Variants in ADGRL2 observed in about 807,000 individuals in gnomAD.
The protein encoded by ADGRL2 is calcium-independent alpha-latrotoxin receptor 2.
A neutral mutation model predicts 157.4 loss-of-function variants in ADGRL2; 44 were observed. The observed-to-expected ratio is 0.28, with a 90% CI of 0.22 to 0.36. ADGRL2 has a LOEUF of 0.36. ADGRL2 is among the 10% of genes least tolerant of loss of function. The pLI, the probability that ADGRL2 is intolerant of heterozygous loss-of-function variation, is 1.00. For synonymous variants in ADGRL2, 585 were observed against 624.7 expected (o/e 0.94, Z 0.95); for missense variants, 1,510 against 1,768.9 (o/e 0.85, Z 2.63).
intron 1 of ADGRL2, among the ~76,000 whole-genome samples, chr1:81,738,723 C>G (rs1465378083): frequency 6.6e-6 from 1 of 152,166 alleles, no homozygotes; most frequent in Non-Finnish European, 1.5e-5. Context: ...CTTCCTACCC[C>G]CGTTTTCCAG....
At chr1:81,908,986 T>C (rs1470325501) in intron 3 of ADGRL2, among the ~76,000 whole-genome samples, 1 of 151,894 alleles carries the variant, frequency 6.6e-6, no homozygotes. Flanking sequence ...GCAATTCTCA[T>C]GCCTCAACCT....
chr1:81,562,481 TTA>T (rs34831093), intron 2 of ADGRL2, among the ~76,000 whole-genome samples: 13,412 of 152,174 alleles, frequency 0.088, 676 homozygotes, highest in Middle Eastern at 0.15. Flanking sequence ...GCAAACTTTT[TTA>T]TGTGTCAATT....
chr1:81,961,767 C>G (rs1655485751), intron 11 of ADGRL2, among the ~76,000 whole-genome samples: 2 of 152,142 alleles, frequency 1.3e-5, no homozygotes, highest in South Asian at 4.1e-4. Flanking sequence ...GCCTCAGCCT[C>G]CCAAAGTGCT....
rs2080363848 is a variant in ADGRL2, at chr1:81,558,428, T to C, written c.-247-22448T>C. On this transcript the variant is annotated intron_variant, in intron 2 of 24. Coordinates refer to the ADGRL2 transcript ENST00000370721. ...AACAGTCATTTGAATGTCAGAATCA[T>C]ATCAAATTACAACACCTTTCATAGT... Among the ~76,000 whole-genome samples, 3 of 152,204 alleles carry C rather than the reference T, an allele frequency of 2.0e-5. No homozygotes were observed. In the South Asian group the frequency reaches 6.2e-4, roughly 31 times the overall value.
chr1:81,438,260 T>C (rs2077444873), intron 1 of ADGRL2, among the ~76,000 whole-genome samples: 1 of 152,214 alleles, frequency 6.6e-6, no homozygotes, highest in African/African-American at 2.4e-5. Flanking sequence ...GAGATCCCAT[T>C]ATTAACTTTT....
chr1:81,823,275 A>C (rs1253266139), intron 1 of ADGRL2, among the ~76,000 whole-genome samples: 2 of 151,360 alleles, frequency 1.3e-5, no homozygotes, highest in Non-Finnish European at 2.9e-5. Context: ...AATTCAGTTC[A>C]TTTATTCATG....
At chr1:81,539,868 A>G (rs2079840151) in intron 2 of ADGRL2, among the ~76,000 whole-genome samples, 1 of 152,102 alleles carries the variant, frequency 6.6e-6, no homozygotes, top group African/African-American at 2.4e-5. Flanking sequence ...CCAAAAGCAG[A>G]CAGACAATTT....
intron 1 of ADGRL2, among the ~76,000 whole-genome samples, chr1:81,825,926 A>C (rs551242678): frequency 6.6e-6 from 1 of 152,134 alleles, no homozygotes; most frequent in East Asian, 1.9e-4. Flanking sequence ...ATTTTTGCAG[A>C]TGTTCAGAAA....
chr1:81,854,363 T>G (rs954356155), intron 2 of ADGRL2, among the ~76,000 whole-genome samples: 1 of 152,146 alleles, frequency 6.6e-6, no homozygotes, highest in African/African-American at 2.4e-5. Context: ...AAATTACATT[T>G]GTACGAGTAT....
intron 1 of ADGRL2, among the ~76,000 whole-genome samples, chr1:81,741,718 G>A (rs190056366): frequency 2.0e-5 from 3 of 152,038 alleles, no homozygotes; most frequent in Admixed American, 2.0e-4. Context: ...TCAAGTTAAT[G>A]TTATCAGTGT....
chr1:81,674,426 T>A (rs1570798835), intron 3 of ADGRL2, among the ~76,000 whole-genome samples: 1 of 152,166 alleles, frequency 6.6e-6, no homozygotes, highest in East Asian at 1.9e-4. Flanking sequence ...TGTGGGAAGA[T>A]CTCTTTCCTG....
At chr1:81,690,745 C>A (rs2083314835) in intron 3 of ADGRL2, among the ~76,000 whole-genome samples, 1 of 152,110 alleles carries the variant, frequency 6.6e-6, no homozygotes, top group East Asian at 1.9e-4. Context: ...TCTAGGCAAA[C>A]CTACACTTTT....
chr1:81,484,386 T>C (rs1271324024), intron 2 of ADGRL2, among the ~76,000 whole-genome samples: 2 of 152,150 alleles, frequency 1.3e-5, no homozygotes, highest in African/African-American at 2.4e-5. Flanking sequence ...ACACAGACCC[T>C]TGTAGACATC....
intron 4 of ADGRL2, among the ~76,000 whole-genome samples, chr1:81,937,354 T>C (rs939168024): frequency 6.6e-6 from 1 of 151,818 alleles, no homozygotes; most frequent in South Asian, 2.1e-4. Flanking sequence ...ACCTTAATGC[T>C]AAATAAAATA....
intron 2 of ADGRL2, among the ~76,000 whole-genome samples, chr1:81,499,306 T>C (rs2078794327): frequency 1.3e-5 from 2 of 152,276 alleles, no homozygotes; most frequent in Admixed American, 6.5e-5. Flanking sequence ...GTCTAGGCTC[T>C]GCTTTTGCAG....
intron 1 of ADGRL2, among the ~76,000 whole-genome samples, chr1:81,436,069 TG>T (rs113901824): frequency 2.6e-5 from 4 of 152,278 alleles, no homozygotes; most frequent in African/African-American, 9.6e-5. Context: ...CACTTTAACC[TG>T]GGCAATAAGA....
intron 1 of ADGRL2, among the ~76,000 whole-genome samples, chr1:81,333,480 A>G (rs964283443): frequency 1.3e-5 from 2 of 152,036 alleles, no homozygotes; most frequent in African/African-American, 4.8e-5. Flanking sequence ...CAGTGGCACC[A>G]TCTTGGCTCA....
chr1:81,561,992 C>A (rs189413029), intron 2 of ADGRL2, among the ~76,000 whole-genome samples: 100 of 152,244 alleles, frequency 6.6e-4, no homozygotes, highest in Middle Eastern at 6.8e-3. Flanking sequence ...AAAAACACTC[C>A]TGACTCAAAT....
At chr1:81,554,494 C>CA (rs1193133517) in intron 2 of ADGRL2, among the ~76,000 whole-genome samples, 9 of 148,538 alleles carry the variant, frequency 6.1e-5, no homozygotes, top group African/African-American at 2.2e-4. Context: ...TTTTTTTTGG[C>CA]AAAAAAAAAT....
Sources: gnomAD v4.1 joint callset for allele counts (sites outside exome capture counted in the v4.1 genomes callset) on GRCh38, gnomAD v4.1.1 for gene constraint, MANE v1.5 for transcripts, NCBI Gene and HGNC (gene_info 2026-07-23, HGNC 2026-07-21) for gene names.